GRIN2A: variants seen among roughly 807,000 people sequenced by gnomAD.
GRIN2A encodes glutamate receptor ionotropic, NMDA 2A.
In GRIN2A, 22 loss-of-function variants were observed where a neutral mutation model predicts 113.4. That is an observed-to-expected ratio of 0.19 (90% CI 0.14 to 0.28). The LOEUF (loss-of-function observed/expected upper bound fraction) is 0.28. GRIN2A is among the 10% of genes least tolerant of loss of function. GRIN2A has a pLI of 1.00. For missense variants in GRIN2A, 1,502 were observed against 1,887.0 expected, an observed-to-expected ratio of 0.80 and a Z score of 3.78; for synonymous variants, 827 against 738.4, an observed-to-expected ratio of 1.12 and a Z score of -1.94.
intron 2 of GRIN2A, among the ~76,000 whole-genome samples, chr16:9,950,930 G>A (rs1417293054): frequency 1.3e-5 from 2 of 152,064 alleles, no homozygotes; most frequent in African/African-American, 2.4e-5. Flanking sequence ...AGTCTTTAAC[G>A]AAACCCCATG....
At chr16:9,946,606 C>T (rs2045023488) in intron 2 of GRIN2A, among the ~76,000 whole-genome samples, 1 of 152,134 alleles carries the variant, frequency 6.6e-6, no homozygotes, top group South Asian at 2.1e-4. Flanking sequence ...CCCTGAGAGC[C>T]CTCATTTTCC....
At chr16:10,098,442 C>A (rs2048335473) in intron 2 of GRIN2A, among the ~76,000 whole-genome samples, 1 of 152,196 alleles carries the variant, frequency 6.6e-6, no homozygotes, top group Non-Finnish European at 1.5e-5. Flanking sequence ...GCACAGCAAT[C>A]CCACTACTGG....
intron 10 of GRIN2A, among the ~76,000 whole-genome samples, chr16:9,813,273 C>T (rs905045992): frequency 9.9e-5 from 15 of 152,102 alleles, no homozygotes; most frequent in African/African-American, 3.6e-4. Context: ...TTGAGAAAAG[C>T]AAAACAAATT....
chr16:9,840,876 T>G, intron 6 of GRIN2A, 60 bp downstream of exon 6: 1 of 1,600,096 alleles, frequency 6.2e-7, no homozygotes, highest in South Asian at 1.1e-5. Context: ...CTGCTAACAT[T>G]CCTGAGGACT....
chr16:9,809,999 T>G (rs146159466), intron 10 of GRIN2A, among the ~76,000 whole-genome samples: 3 of 151,498 alleles, frequency 2.0e-5, no homozygotes, highest in Non-Finnish European at 4.4e-5. Flanking sequence ...TCCTAGGAGG[T>G]AGAGGTTGCA....
intron 3 of GRIN2A, among the ~76,000 whole-genome samples, chr16:9,936,059 G>A (rs1210867392): frequency 6.6e-6 from 1 of 152,162 alleles, no homozygotes; most frequent in Non-Finnish European, 1.5e-5. Flanking sequence ...AAGTTATTTA[G>A]TATTACTATG....
rs185881945 is a variant in GRIN2A, at chr16:10,025,709, C to T, written c.415-87158G>A. ...AGAGATGAAAATAAAGACACCAGAG[C>T]GGGGTCCACTCAAGGATACTGATGT... On this transcript the variant is annotated intron_variant, in intron 2 of 12. Transcript: ENST00000330684. Among the ~76,000 whole-genome samples the T allele has an allele frequency of 3.0e-3, 451 of 152,220 alleles. 5 individuals are homozygous for T. The highest frequency in any genetic ancestry group is 4.0e-3 in the Non-Finnish European group (273 of 68,008).
intron 4 of GRIN2A, among the ~76,000 whole-genome samples, chr16:9,886,132 C>G (rs772302574): frequency 4.6e-5 from 7 of 152,136 alleles, no homozygotes; most frequent in Non-Finnish European, 7.3e-5. Flanking sequence ...TGGTTAAAAC[C>G]AACCAAAGGG....
At chr16:10,171,206 G>A (rs890232705) in intron 2 of GRIN2A, among the ~76,000 whole-genome samples, 4 of 152,150 alleles carry the variant, frequency 2.6e-5, no homozygotes, top group Non-Finnish European at 4.4e-5. Context: ...AAAGCCCTAG[G>A]TTCTAGTTAC....
intron 10 of GRIN2A, among the ~76,000 whole-genome samples, chr16:9,806,268 G>T (rs2041963995): frequency 6.6e-6 from 1 of 152,008 alleles, no homozygotes; most frequent in Non-Finnish European, 1.5e-5. Flanking sequence ...TTTCTTTTGT[G>T]GTTATTATTT....
At chr16:9,879,304 G>A (rs1475529143) in intron 4 of GRIN2A, among the ~76,000 whole-genome samples, 1 of 152,142 alleles carries the variant, frequency 6.6e-6, no homozygotes, top group African/African-American at 2.4e-5. Context: ...AAAGGAAGGA[G>A]GATGACAGGG....
At chr16:9,861,939 G>A (rs1481788832) in intron 4 of GRIN2A, among the ~76,000 whole-genome samples, 1 of 152,182 alleles carries the variant, frequency 6.6e-6, no homozygotes, top group African/African-American at 2.4e-5. Context: ...GGATTATGAA[G>A]CTTTGGCATG....
intron 2 of GRIN2A, among the ~76,000 whole-genome samples, chr16:10,026,363 T>C (rs1210706440): frequency 2.0e-5 from 3 of 152,180 alleles, no homozygotes. Context: ...CTGTCCAGCA[T>C]GTACAGGGAA....
intron 2 of GRIN2A, among the ~76,000 whole-genome samples, chr16:10,160,886 A>G (rs922078118): frequency 6.6e-6 from 1 of 152,210 alleles, no homozygotes; most frequent in Non-Finnish European, 1.5e-5. Flanking sequence ...AGAATTTCGC[A>G]GAGGCACGTT....
chr16:10,159,027 G>C (rs894470381), intron 2 of GRIN2A, among the ~76,000 whole-genome samples: 1 of 152,166 alleles, frequency 6.6e-6, no homozygotes, highest in African/African-American at 2.4e-5. Context: ...AAAAAACAGA[G>C]GTTGTGGAGT....
chr16:10,052,550 T>G (rs551158003), intron 2 of GRIN2A, among the ~76,000 whole-genome samples: 83 of 152,090 alleles, frequency 5.5e-4, no homozygotes, highest in African/African-American at 2.0e-3. Flanking sequence ...GGGAGAGGGG[T>G]GGGCTAAGAT....
intron 2 of GRIN2A, among the ~76,000 whole-genome samples, chr16:10,023,278 G>A (rs180850863): frequency 6.0e-4 from 92 of 152,322 alleles, no homozygotes; most frequent in Non-Finnish European, 9.8e-4. Context: ...TCATCCAACT[G>A]AGGCAGGGCT....
chr16:10,082,455 A>G (rs778789208), intron 2 of GRIN2A, among the ~76,000 whole-genome samples: 19 of 152,230 alleles, frequency 1.2e-4, no homozygotes, highest in Admixed American at 2.6e-4. Flanking sequence ...ATGATAGGAC[A>G]TCGCTTCTGT....
chr16:10,141,826 A>C (rs1380965316), intron 2 of GRIN2A, among the ~76,000 whole-genome samples: 1 of 152,224 alleles, frequency 6.6e-6, no homozygotes, highest in East Asian at 1.9e-4. Flanking sequence ...AGAGCTCAGA[A>C]GGGAATGATG....
Sources: gnomAD v4.1 joint callset for allele counts (sites outside exome capture counted in the v4.1 genomes callset) on GRCh38, gnomAD v4.1.1 for gene constraint, MANE v1.5 for transcripts, NCBI Gene and HGNC (gene_info 2026-07-23, HGNC 2026-07-21) for gene names.